PTPRD: variants seen among roughly 807,000 people sequenced by gnomAD.
PTPRD encodes protein tyrosine phosphatase receptor type D, also known as receptor-type tyrosine-protein phosphatase delta.
A neutral mutation model predicts 214.5 loss-of-function variants in PTPRD; 34 were observed. That is an observed-to-expected ratio of 0.16 (90% confidence interval 0.12 to 0.21). The LOEUF (loss-of-function observed/expected upper bound fraction) is 0.21, where lower values mean the gene tolerates loss of function less well. Among genes scored for constraint, PTPRD ranks in the 10% least tolerant of loss-of-function variants. The pLI, the probability that PTPRD is intolerant of heterozygous loss-of-function variation, is 1.00. For synonymous variants in PTPRD, 1,128 were observed against 845.7 expected (o/e 1.33, Z -5.79); for missense variants, 2,545 against 2,398.7 (o/e 1.06, Z -1.27).
chr9:8,834,950 C>G (rs2097381791), intron 11 of PTPRD, among the ~76,000 whole-genome samples: 1 of 152,186 alleles, frequency 6.6e-6, no homozygotes, highest in Non-Finnish European at 1.5e-5. Flanking sequence ...AATAATAACT[C>G]ACAGCATGGC....
At chr9:10,487,966 G>GTCTCAGTCTCTCTCTC (rs1491332095) in intron 2 of PTPRD, among the ~76,000 whole-genome samples, 1 of 110,270 alleles carries the variant, frequency 9.1e-6, no homozygotes, top group Non-Finnish European at 1.8e-5. Context: ...AATGAACACA[G>GTCTCAGTCTCTCTCTC]TCTCTCTCTC....
At chr9:10,494,942 T>C (rs943992381) in intron 2 of PTPRD, among the ~76,000 whole-genome samples, 7 of 151,728 alleles carry the variant, frequency 4.6e-5, no homozygotes, top group Admixed American at 4.6e-4. Flanking sequence ...TAATCAAATG[T>C]ATTGTTGCCA....
intron 11 of PTPRD, among the ~76,000 whole-genome samples, chr9:8,771,734 C>T (rs1018893834): frequency 2.0e-5 from 3 of 151,530 alleles, no homozygotes; most frequent in Non-Finnish European, 2.9e-5. Flanking sequence ...ATTGCATGCA[C>T]GTATACATAT....
At chr9:10,580,801 C>T (rs1157162823) in intron 2 of PTPRD, among the ~76,000 whole-genome samples, 4 of 152,104 alleles carry the variant, frequency 2.6e-5, no homozygotes, top group African/African-American at 7.2e-5. Flanking sequence ...AGTATCTGAT[C>T]CTTAAATAAA....
intron 3 of PTPRD, among the ~76,000 whole-genome samples, chr9:10,150,988 G>C (rs943517431): frequency 6.6e-6 from 1 of 151,580 alleles, no homozygotes. Context: ...ATTGTATGAG[G>C]TGAGTTGTGG....
At chr9:9,669,357 T>G (rs942096597) in intron 7 of PTPRD, among the ~76,000 whole-genome samples, 3 of 152,298 alleles carry the variant, frequency 2.0e-5, no homozygotes, top group Non-Finnish European at 4.4e-5. Flanking sequence ...GAATTAGTTC[T>G]GGACCAAACG....
chr9:9,025,475 G>C (rs745489723), intron 10 of PTPRD, among the ~76,000 whole-genome samples: 8 of 151,996 alleles, frequency 5.3e-5, no homozygotes, highest in Non-Finnish European at 1.0e-4. Flanking sequence ...CTTTGACTTA[G>C]ACATTCTTAT....
intron 2 of PTPRD, among the ~76,000 whole-genome samples, chr9:10,581,560 T>C (rs1376958440): frequency 6.6e-6 from 1 of 152,210 alleles, no homozygotes; most frequent in Non-Finnish European, 1.5e-5. Context: ...TCTGCTAATT[T>C]AGAACTTTGA....
At chr9:9,932,247 G>C (rs1566464102) in intron 5 of PTPRD, among the ~76,000 whole-genome samples, 1 of 150,860 alleles carries the variant, frequency 6.6e-6, no homozygotes, top group Non-Finnish European at 1.5e-5. Context: ...GACGAGCTGA[G>C]AGAAGAAGGC....
chr9:9,146,910 G>A (rs931783436), intron 10 of PTPRD, among the ~76,000 whole-genome samples: 3 of 152,072 alleles, frequency 2.0e-5, no homozygotes, highest in Non-Finnish European at 2.9e-5. Context: ...CTAAACACAC[G>A]TGGAGCAGCT....
In PTPRD at chr9:9,361,985, G is replaced by T. The variant is rs118179882; in HGVS notation, c.-203+35464C>A. Among the ~76,000 whole-genome samples, 232 of 151,126 alleles carry T rather than the reference G, an allele frequency of 1.5e-3. 1 individual carries two copies. Among genetic ancestry groups the T allele is most frequent in the Non-Finnish European group, 2.3e-3 (152 of 67,358 alleles). ...AATAATTCATAAACTCCTTTTGGAA[G>T]AGCCAACGTTAGTCATTCTTGAGTC... On this transcript the variant is annotated intron_variant, in intron 9 of 45. Transcript: ENST00000381196.
At chr9:10,586,918 T>C (rs2074072205) in intron 2 of PTPRD, among the ~76,000 whole-genome samples, 1 of 152,096 alleles carries the variant, frequency 6.6e-6, no homozygotes, top group Non-Finnish European at 1.5e-5. Flanking sequence ...CTTTTGCTTA[T>C]CATTTTGCAT....
chr9:8,358,931 C>A (rs918219867), intron 39 of PTPRD, among the ~76,000 whole-genome samples: 5 of 150,564 alleles, frequency 3.3e-5, no homozygotes, highest in Non-Finnish European at 7.4e-5. Flanking sequence ...CACGGTGAAA[C>A]CCCGTCTCTA....
chr9:8,834,321 T>C (rs1474276096), intron 11 of PTPRD, among the ~76,000 whole-genome samples: 1 of 151,996 alleles, frequency 6.6e-6, no homozygotes, highest in Admixed American at 6.6e-5. Flanking sequence ...AATTTTCATA[T>C]ATCATATGAA....
chr9:8,711,806 T>C (rs1000804313), intron 12 of PTPRD, among the ~76,000 whole-genome samples: 1 of 152,222 alleles, frequency 6.6e-6, no homozygotes, highest in Non-Finnish European at 1.5e-5. Flanking sequence ...GCTTCATTCA[T>C]AATCACCAAA....
chr9:8,529,237 A>G (rs1478310177), intron 14 of PTPRD, among the ~76,000 whole-genome samples: 1 of 152,066 alleles, frequency 6.6e-6, no homozygotes. Flanking sequence ...AGAAGCATGG[A>G]AGCCAACAGT....
chr9:9,676,528 G>T (rs1416266579), intron 7 of PTPRD, among the ~76,000 whole-genome samples: 1 of 151,964 alleles, frequency 6.6e-6, no homozygotes, highest in East Asian at 1.9e-4. Flanking sequence ...GTCTACCATT[G>T]ATGGACATTT....
intron 12 of PTPRD, among the ~76,000 whole-genome samples, chr9:8,686,667 G>A (rs143030214): frequency 6.6e-6 from 1 of 152,108 alleles, no homozygotes; most frequent in African/African-American, 2.4e-5. Flanking sequence ...TTTTGACTAA[G>A]AGGTCCAGAA....
chr9:8,321,653 A>C (rs1038367145), intron 44 of PTPRD, among the ~76,000 whole-genome samples: 1 of 151,406 alleles, frequency 6.6e-6, no homozygotes, highest in African/African-American at 2.4e-5. Context: ...AGGATGCCTA[A>C]AGTTAAGAAG....
Sources: allele counts gnomAD v4.1 joint callset (sites outside exome capture counted in the v4.1 genomes callset), GRCh38; gene constraint gnomAD v4.1.1; transcripts MANE v1.5; gene names NCBI Gene and HGNC (gene_info 2026-07-23, HGNC 2026-07-21).